INTS9: variants seen among roughly 807,000 people sequenced by gnomAD.
INTS9 encodes the protein integrator complex subunit 9.
In INTS9, 55 loss-of-function variants were observed where a neutral mutation model predicts 79.7. The ratio of observed to expected loss-of-function variants is 0.69; its 90% CI spans 0.56 to 0.86. INTS9 has a LOEUF of 0.86. INTS9 is among the 40% of genes least tolerant of loss of function. INTS9 has a pLI of 0.00. For missense variants in INTS9, 721 were observed against 831.5 expected, an observed-to-expected ratio of 0.87 and a Z score of 1.64; for synonymous variants, 319 against 325.2, an observed-to-expected ratio of 0.98 and a Z score of 0.20.
chr8:28,873,314 G>C (rs532369352), intron 1 of INTS9, among the ~76,000 whole-genome samples: 62 of 152,278 alleles, frequency 4.1e-4, no homozygotes, highest in South Asian at 3.1e-3. Context: ...TTTATGGATA[G>C]ATTTTCCATA....
rs1036803099 is a variant in INTS9, at chr8:28,777,838, T to C, written c.1386A>G (p.Lys462=). The C allele has an allele frequency of 2.5e-6, 4 of 1,607,494 alleles. No homozygotes were observed. The highest frequency in any genetic ancestry group is 2.5e-6 in the Non-Finnish European group (3 of 1,177,210). Residue 462 remains lysine (K), a synonymous_variant, in exon 13 of 17, where the codon AAA becomes AAG. Transcript: ENST00000521022. ...CAGTGTCCTTCATTACCTGCACTTC[T>C]TTAAGCAGCTTTGACACCTGGATGA... ...LNFIQVSKLL[K]EVQPLHVVCP...
At chr8:28,795,664 AAAAGAAG>A (rs1804174255) in intron 9 of INTS9, among the ~76,000 whole-genome samples, 1 of 145,384 alleles carries the variant, frequency 6.9e-6, no homozygotes, top group Non-Finnish European at 1.5e-5. Flanking sequence ...AAAAAAAAAA[AAAAGAAG>A]AGGAAGAGAC....
chr8:28,859,683 C>A lies in INTS9; in HGVS notation c.10-120G>T, dbSNP rs759694365. 13 of 1,131,542 alleles carry A rather than the reference C, an allele frequency of 1.1e-5. No individual in the cohort carries two copies. In the African/African-American group the frequency reaches 2.0e-4, roughly 17 times the overall value. 70.1% of individuals were successfully genotyped at this position (1,131,542 alleles called of 1,614,324 possible). ...AGACCAGCGTGTTAAGTTCAGCTAA[C>A]TTTCTATGTGGTTTCCGCCCTTTTA... On this transcript the variant is annotated intron_variant, in intron 1 of 16. Transcript: ENST00000521022.
intron 8 of INTS9, among the ~76,000 whole-genome samples, chr8:28,808,051 C>G (rs1423084453): frequency 6.6e-6 from 1 of 152,226 alleles, no homozygotes; most frequent in East Asian, 1.9e-4. Context: ...TCTTCCTTCT[C>G]CCTTTGGGAG....
intron 11 of INTS9, among the ~76,000 whole-genome samples, chr8:28,782,355 T>C (rs1284557230): frequency 6.6e-6 from 1 of 152,220 alleles, no homozygotes; most frequent in African/African-American, 2.4e-5. Flanking sequence ...ACCACATTCG[T>C]CACACCAGAA....
intron 6 of INTS9, among the ~76,000 whole-genome samples, chr8:28,824,392 G>A (rs139593645): frequency 6.6e-6 from 1 of 152,308 alleles, no homozygotes; most frequent in Non-Finnish European, 1.5e-5. Context: ...TGCTGCTTCT[G>A]CCTGTACTGT....
intron 1 of INTS9, among the ~76,000 whole-genome samples, chr8:28,860,075 A>G (rs929026769): frequency 1.3e-5 from 2 of 152,232 alleles, no homozygotes; most frequent in East Asian, 3.8e-4. Flanking sequence ...GTCTTGTCAG[A>G]AGAAATGACT....
intron 14 of INTS9, among the ~76,000 whole-genome samples, chr8:28,775,091 CT>C (rs1339660141): frequency 6.6e-6 from 1 of 152,140 alleles, no homozygotes; most frequent in African/African-American, 2.4e-5. Context: ...ATTCAGCAAA[CT>C]CTTGACACTC....
chr8:28,859,750 A>T, intron 1 of INTS9, 187 bp from the exon 2 acceptor site: 4 of 693,822 alleles, frequency 5.8e-6, no homozygotes, highest in Non-Finnish European at 2.6e-6. Flanking sequence ...AAATACTCAA[A>T]ATTCTCAGAT....
chr8:28,869,251 A>G (rs1808936404), intron 1 of INTS9, among the ~76,000 whole-genome samples: 1 of 152,168 alleles, frequency 6.6e-6, no homozygotes, highest in South Asian at 2.1e-4. Context: ...CATGTTGCCC[A>G]GGCTGGTGTC....
At chr8:28,881,993 G>A (rs1809861853) in intron 1 of INTS9, among the ~76,000 whole-genome samples, 1 of 145,026 alleles carries the variant, frequency 6.9e-6, no homozygotes, top group African/African-American at 2.6e-5. Context: ...GATGACAATG[G>A]CGGTTTTGTG....
chr8:28,832,875 T>C (rs1015449447), intron 6 of INTS9, among the ~76,000 whole-genome samples: 5 of 151,988 alleles, frequency 3.3e-5, no homozygotes, highest in South Asian at 2.1e-4. Flanking sequence ...GGCAGAAGAA[T>C]TGCCTGAACC....
chr8:28,884,977 T>A (rs1218347047), intron 1 of INTS9, among the ~76,000 whole-genome samples: 3 of 152,244 alleles, frequency 2.0e-5, no homozygotes, highest in Non-Finnish European at 4.4e-5. Context: ...ACCACGCCCC[T>A]TTCTAATGAT....
chr8:28,862,779 G>T (rs1317737940), intron 1 of INTS9, among the ~76,000 whole-genome samples: 1 of 152,194 alleles, frequency 6.6e-6, no homozygotes, highest in Non-Finnish European at 1.5e-5. Context: ...GCCATGTAGA[G>T]GTAATTAAAT....
In INTS9 at chr8:28,881,973, G is replaced by GA. The variant is rs1585536288; in HGVS notation, c.9+7900dup. Reference sequence around the variant, plus strand: ...GAGGTGTGCCCAGCGGCTCATTGGGGATGGGCCATGATGACAATGGCGGTT... The same window carrying GA: ...GAGGTGTGCCCAGCGGCTCATTGGGGAATGGGCCATGATGACAATGGCGGTT... On this transcript the variant is annotated intron_variant, in intron 1 of 16. Transcript: ENST00000521022. Among the ~76,000 whole-genome samples the GA allele has an allele frequency of 2.7e-5, 4 of 145,814 alleles. No individual in the cohort carries two copies. In the East Asian group the frequency reaches 8.5e-4, roughly 31 times the overall value.
intron 2 of INTS9, among the ~76,000 whole-genome samples, chr8:28,856,426 G>T (rs1441389151): frequency 6.6e-6 from 1 of 151,904 alleles, no homozygotes; most frequent in African/African-American, 2.4e-5. Context: ...TTTTGTTGTT[G>T]TTTTTTTGAG....
At chr8:28,825,637 C>T (rs1319375268) in intron 6 of INTS9, among the ~76,000 whole-genome samples, 1 of 152,188 alleles carries the variant, frequency 6.6e-6, no homozygotes, top group Non-Finnish European at 1.5e-5. Flanking sequence ...ACTGGAACAG[C>T]CTTGCTCAAA....
intron 6 of INTS9, among the ~76,000 whole-genome samples, chr8:28,834,351 C>T (rs1806676204): frequency 6.6e-6 from 1 of 152,128 alleles, no homozygotes; most frequent in South Asian, 2.1e-4. Context: ...TAAACCTCCA[C>T]TGGCCAACTT....
chr8:28,859,817 C>G (rs1808356615), intron 1 of INTS9, among the ~76,000 whole-genome samples: 1 of 152,176 alleles, frequency 6.6e-6, no homozygotes, highest in Non-Finnish European at 1.5e-5. Flanking sequence ...ACATGGGCCA[C>G]AGTTATTCAA....
Sources: allele counts gnomAD v4.1 joint callset (sites outside exome capture counted in the v4.1 genomes callset), GRCh38; gene constraint gnomAD v4.1.1; transcripts MANE v1.5; gene names NCBI Gene and HGNC (gene_info 2026-07-23, HGNC 2026-07-21).